The following DCC variants were observed in gnomAD, a reference collection of about 807,000 sequenced individuals.
DCC encodes netrin receptor DCC.
Under a neutral mutation model 172.5 loss-of-function variants are expected in DCC, and 58 were observed. The ratio of observed to expected loss-of-function variants is 0.34; its 90% CI spans 0.27 to 0.42. The LOEUF (loss-of-function observed/expected upper bound fraction) is 0.42, where lower values mean the gene tolerates loss of function less well. Ranked by LOEUF, DCC falls within the 10% of genes least tolerant of loss-of-function variation. The pLI, the probability that DCC is intolerant of heterozygous loss-of-function variation, is 1.00. For synonymous variants in DCC, 709 were observed against 644.5 expected (o/e 1.10, Z -1.52); for missense variants, 1,740 against 1,791.0 (o/e 0.97, Z 0.51).
intron 7 of DCC, among the ~76,000 whole-genome samples, chr18:53,111,360 T>C (rs2043328465): frequency 6.7e-6 from 1 of 149,822 alleles, no homozygotes; most frequent in Admixed American, 6.7e-5. Context: ...GTAACTAACC[T>C]GCACATTGTG....
chr18:53,086,972 G>T (rs1342165367), intron 7 of DCC, among the ~76,000 whole-genome samples: 1 of 151,702 alleles, frequency 6.6e-6, no homozygotes, highest in Non-Finnish European at 1.5e-5. Flanking sequence ...TGGTGTATAT[G>T]TGCCACATTT....
At chr18:53,244,719 C>G (rs2056345389) in intron 12 of DCC, among the ~76,000 whole-genome samples, 1 of 152,014 alleles carries the variant, frequency 6.6e-6, no homozygotes, top group African/African-American at 2.4e-5. Context: ...AGAGGGAGTG[C>G]ACCAAGTGGA....
intron 2 of DCC, among the ~76,000 whole-genome samples, chr18:52,831,519 G>A (rs545116422): frequency 1.6e-4 from 24 of 152,188 alleles, no homozygotes; most frequent in African/African-American, 3.4e-4. Flanking sequence ...GTGTTGAGAC[G>A]TGGTAACAGT....
At chr18:53,305,005 A>G (rs1479209480) in intron 12 of DCC, among the ~76,000 whole-genome samples, 1 of 152,164 alleles carries the variant, frequency 6.6e-6, no homozygotes, top group Non-Finnish European at 1.5e-5. Flanking sequence ...AAGTCTCACG[A>G]GATCTGATAG....
At position 52,455,656 on chromosome 18, in the gene DCC, A is replaced by G. The variant is rs114843024; in HGVS notation, c.91+114778A>G. Among the ~76,000 whole-genome samples, 563 of 152,258 alleles carry G rather than the reference A, an allele frequency of 3.7e-3. 4 individuals carry two copies. The highest frequency in any genetic ancestry group is 0.013 in the African/African-American group (537 of 41,532). On this transcript the variant is annotated intron_variant, in intron 1 of 28. Transcript: ENST00000442544. ...GCCTGGTTGTAATTCCAGTTTTTCT[A>G]CTTAGTAGCATTGTGATCCTCGGCA...
At chr18:52,702,994 A>G (rs1315862521) in intron 1 of DCC, among the ~76,000 whole-genome samples, 1 of 152,156 alleles carries the variant, frequency 6.6e-6, no homozygotes, top group East Asian at 1.9e-4. Context: ...CTGAGTGTAA[A>G]TACTTTACCT....
chr18:52,798,279 C>G (rs1254877732), intron 2 of DCC, among the ~76,000 whole-genome samples: 3 of 152,136 alleles, frequency 2.0e-5, no homozygotes, highest in Non-Finnish European at 4.4e-5. Context: ...GTAGAGAAAA[C>G]AAAAATTTGG....
At chr18:52,580,655 T>C (rs574146615) in intron 1 of DCC, among the ~76,000 whole-genome samples, 61 of 152,232 alleles carry the variant, frequency 4.0e-4, no homozygotes, top group Admixed American at 3.1e-3. Flanking sequence ...AGACTATGGA[T>C]GCCTGGAAGA....
intron 1 of DCC, among the ~76,000 whole-genome samples, chr18:52,725,526 T>C (rs1258032690): frequency 6.6e-6 from 1 of 152,180 alleles, no homozygotes; most frequent in Non-Finnish European, 1.5e-5. Flanking sequence ...ATAAAGAAGC[T>C]GGCAGTGTGT....
chr18:52,934,399 A>C (rs1202548114), intron 5 of DCC, among the ~76,000 whole-genome samples: 1 of 152,112 alleles, frequency 6.6e-6, no homozygotes, highest in African/African-American at 2.4e-5. Context: ...CTTGCTGTTC[A>C]TGCTTTCTTC....
In DCC at chr18:53,363,960, C is replaced by T. The variant is rs75146512; in HGVS notation, c.2360-22083C>T. Among the ~76,000 whole-genome samples the T allele has an allele frequency of 2.3e-4, 35 of 152,206 alleles. No homozygotes were observed. The East Asian group carries it at 5.2e-3, about 23-fold the overall frequency. ...CATAATAAATGTTCAAGATCATTAA[C>T]GTTATAATAACAACAAAATAGATTT... is the stretch of plus-strand genomic sequence containing the variant. On this transcript the variant is annotated intron_variant, in intron 15 of 28. Transcript: ENST00000442544.
At chr18:52,696,418 C>T (rs1263387729) in intron 1 of DCC, among the ~76,000 whole-genome samples, 1 of 152,140 alleles carries the variant, frequency 6.6e-6, no homozygotes, top group African/African-American at 2.4e-5. Context: ...ATGATCACCC[C>T]AAATTCTTAG....
rs1212788836 is a variant in DCC at position 53,499,493 on chromosome 18, C to T, written c.4094C>T (p.Pro1365Leu). The T allele has an allele frequency of 6.2e-7, 1 of 1,613,762 alleles. No individual in the cohort carries two copies. Among genetic ancestry groups the T allele is most frequent in the Non-Finnish European group, 8.5e-7 (1 of 1,179,786 alleles). Residue 1365 changes from proline (P) to leucine (L), a missense_variant, in exon 27 of 29, where the codon CCA becomes CTA. By Grantham distance (98) the Pro-to-Leu change is moderately conservative. Transcript: ENST00000442544. ...SAIEPKVPYTPLLSQPGPTLP... is the reference protein window; with the variant it reads ...SAIEPKVPYTLLLSQPGPTLP... ...ATAGAACCGAAAGTCCCTTACACAC[C>T]ACTTTTGTCTCAGCCAGGTAAAGTA...
At chr18:53,258,286 T>A (rs1056318980) in intron 12 of DCC, among the ~76,000 whole-genome samples, 1 of 152,206 alleles carries the variant, frequency 6.6e-6, no homozygotes, top group African/African-American at 2.4e-5. Context: ...CTTTTCTAGT[T>A]CTTTTAATTG....
chr18:53,283,252 G>A (rs12605405), intron 12 of DCC, among the ~76,000 whole-genome samples: 2,208 of 152,220 alleles, frequency 0.015, 98 homozygotes, highest in East Asian at 0.14. Context: ...CTGTAAGTTG[G>A]CTTTAACATG....
intron 12 of DCC, among the ~76,000 whole-genome samples, chr18:53,296,161 G>T (rs914973689): frequency 6.6e-6 from 1 of 152,052 alleles, no homozygotes; most frequent in African/African-American, 2.4e-5. Context: ...CATATTCTTG[G>T]CATTGCTACT....
chr18:52,429,296 G>A (rs756286612), intron 1 of DCC, among the ~76,000 whole-genome samples: 1 of 151,956 alleles, frequency 6.6e-6, no homozygotes, highest in Non-Finnish European at 1.5e-5. Flanking sequence ...AAATTGCATC[G>A]AAGTACACAG....
chr18:52,441,628 T>C (rs1012002316), intron 1 of DCC, among the ~76,000 whole-genome samples: 1 of 152,152 alleles, frequency 6.6e-6, no homozygotes, highest in Non-Finnish European at 1.5e-5. Flanking sequence ...CAGAGTCATT[T>C]TGGGAAATTT....
intron 5 of DCC, among the ~76,000 whole-genome samples, chr18:53,053,150 A>G (rs964548263): frequency 3.9e-5 from 6 of 152,124 alleles, no homozygotes; most frequent in African/African-American, 1.4e-4. Flanking sequence ...CTCAAACAAA[A>G]TCAAAAACAA....
Sources: allele counts gnomAD v4.1 joint callset (sites outside exome capture counted in the v4.1 genomes callset), GRCh38; gene constraint gnomAD v4.1.1; transcripts MANE v1.5; gene names NCBI Gene and HGNC (gene_info 2026-07-23, HGNC 2026-07-21).